NOS1AP: variants seen among roughly 807,000 people sequenced by gnomAD.
The protein encoded by NOS1AP is nitric oxide synthase 1 adaptor protein, also known as carboxyl-terminal PDZ ligand of neuronal nitric oxide synthase protein.
NOS1AP carries 21 observed loss-of-function variants against 56.2 expected under a neutral mutation model. The observed-to-expected ratio is 0.37, with a 90% CI of 0.26 to 0.54. The LOEUF is 0.54. Among genes scored for constraint, NOS1AP ranks in the 20% least tolerant of loss-of-function variants. NOS1AP has a pLI of 0.84. For missense variants in NOS1AP, 522 were observed against 657.8 expected (o/e 0.79, Z 2.26); for synonymous variants, 270 against 274.6 (o/e 0.98, Z 0.17).
At chr1:162,332,883 G>T (rs1362120690) in intron 4 of NOS1AP, 134 bp from the exon 5 acceptor site, 4 of 713,702 alleles carry the variant, frequency 5.6e-6, no homozygotes, top group Non-Finnish European at 1.0e-5. Flanking sequence ...TTTTGATCCT[G>T]AAGGAAGAAG....
At chr1:162,288,964 T>G (rs1192196451) in intron 3 of NOS1AP, among the ~76,000 whole-genome samples, 1 of 152,188 alleles carries the variant, frequency 6.6e-6, no homozygotes, top group East Asian at 1.9e-4. Flanking sequence ...TTGGAGTTCC[T>G]GAGCAGGACA....
At chr1:162,119,148 A>G (rs545987247) in intron 1 of NOS1AP, among the ~76,000 whole-genome samples, 31 of 152,160 alleles carry the variant, frequency 2.0e-4, no homozygotes, top group Non-Finnish European at 3.7e-4. Context: ...AGAAACTGAA[A>G]TAGTTTCCTG....
chr1:162,333,899 G>A lies in NOS1AP; in HGVS notation c.453+774G>A, dbSNP rs116740842. On this transcript the variant is annotated intron_variant, in intron 5 of 9. Coordinates refer to ENST00000361897, the MANE Select transcript of NOS1AP (RefSeq NM_014697.3). ...AATTTCCCAAACTAATTTCACAATG[G>A]AATCATATTTTTTCCATGTAATATG... Among the ~76,000 whole-genome samples the A allele has an allele frequency of 5.5e-3, 833 of 152,254 alleles. 4 individuals are homozygous for A. The highest frequency in any genetic ancestry group is 0.019 in the African/African-American group (796 of 41,540).
intron 2 of NOS1AP, among the ~76,000 whole-genome samples, chr1:162,270,257 C>T (rs867138167): frequency 5.8e-4 from 88 of 152,288 alleles, no homozygotes; most frequent in African/African-American, 1.9e-3. Flanking sequence ...ACATTCTCAA[C>T]TCAGCAGGCA....
intron 2 of NOS1AP, among the ~76,000 whole-genome samples, chr1:162,278,786 T>C (rs977832883): frequency 6.6e-6 from 1 of 152,090 alleles, no homozygotes; most frequent in Non-Finnish European, 1.5e-5. Flanking sequence ...TGCTGCATAA[T>C]GGATGTGTAT....
intron 2 of NOS1AP, among the ~76,000 whole-genome samples, chr1:162,157,660 G>A (rs1447147961): frequency 2.0e-5 from 3 of 152,202 alleles, no homozygotes; most frequent in Admixed American, 6.5e-5. Flanking sequence ...TGTGTGAGAT[G>A]TCAACCTCCC....
At chr1:162,146,302 G>A (rs1649463860) in intron 1 of NOS1AP, among the ~76,000 whole-genome samples, 2 of 151,752 alleles carry the variant, frequency 1.3e-5, no homozygotes, top group East Asian at 1.9e-4. Flanking sequence ...TCTGAGGTGG[G>A]GAGCAGTTAA....
intron 5 of NOS1AP, among the ~76,000 whole-genome samples, chr1:162,337,770 C>G (rs1225993219): frequency 6.6e-6 from 1 of 152,196 alleles, no homozygotes; most frequent in African/African-American, 2.4e-5. Context: ...ATCACACCTG[C>G]TTTGAAACTA....
At chr1:162,132,738 G>T (rs1371709217) in intron 1 of NOS1AP, among the ~76,000 whole-genome samples, 1 of 152,168 alleles carries the variant, frequency 6.6e-6, no homozygotes, top group Non-Finnish European at 1.5e-5. Flanking sequence ...CAACCCACAG[G>T]TCTCCATATT....
intron 4 of NOS1AP, among the ~76,000 whole-genome samples, chr1:162,327,587 A>AT (rs1193156757): frequency 2.0e-5 from 3 of 152,168 alleles, no homozygotes; most frequent in Admixed American, 2.0e-4. Flanking sequence ...GTCCTAAAAA[A>AT]CCAGTTACCC....
chr1:162,207,521 A>C (rs1652199093), intron 2 of NOS1AP, among the ~76,000 whole-genome samples: 1 of 152,168 alleles, frequency 6.6e-6, no homozygotes, highest in Non-Finnish European at 1.5e-5. Context: ...CTCATTTTAG[A>C]AGTGGTAATA....
At chr1:162,079,391 T>C (rs528846325) in intron 1 of NOS1AP, among the ~76,000 whole-genome samples, 5 of 152,204 alleles carry the variant, frequency 3.3e-5, no homozygotes, top group Non-Finnish European at 7.3e-5. Flanking sequence ...TGAATTGATG[T>C]CTTTTTTTTT....
intron 3 of NOS1AP, among the ~76,000 whole-genome samples, chr1:162,292,159 A>G (rs778565424): frequency 2.8e-4 from 42 of 152,204 alleles, no homozygotes; most frequent in Non-Finnish European, 4.9e-4. Flanking sequence ...TTAGATATGA[A>G]CCCTTCCCTG....
chr1:162,136,037 A>T (rs576849534), intron 1 of NOS1AP, among the ~76,000 whole-genome samples: 2 of 152,198 alleles, frequency 1.3e-5, no homozygotes, highest in Non-Finnish European at 1.5e-5. Context: ...TATGTTATAG[A>T]AGCAAGTGAA....
chr1:162,275,203 G>A (rs372320603), intron 2 of NOS1AP, among the ~76,000 whole-genome samples: 2 of 151,680 alleles, frequency 1.3e-5, no homozygotes, highest in South Asian at 2.1e-4. Context: ...TTTTTGATAC[G>A]GAGTCTCACT....
chr1:162,216,104 A>G (rs1652560453), intron 2 of NOS1AP, among the ~76,000 whole-genome samples: 1 of 151,638 alleles, frequency 6.6e-6, no homozygotes, highest in Admixed American at 6.6e-5. Flanking sequence ...CTCCTCCCCC[A>G]TCTCCTCCCT....
intron 2 of NOS1AP, among the ~76,000 whole-genome samples, chr1:162,182,887 T>A (rs6673884): frequency 0.52 from 79,212 of 152,024 alleles, 22,534 homozygotes; most frequent in East Asian, 0.76. Context: ...AAAGTCATCC[T>A]GGAGAACTGG....
intron 1 of NOS1AP, among the ~76,000 whole-genome samples, chr1:162,124,171 G>A (rs1361327049): frequency 2.0e-5 from 3 of 151,918 alleles, no homozygotes; most frequent in Non-Finnish European, 4.4e-5. Context: ...GTGGTTTGTG[G>A]TTACATGGAT....
At chr1:162,283,710 A>G (rs1655007443) in intron 2 of NOS1AP, among the ~76,000 whole-genome samples, 1 of 152,192 alleles carries the variant, frequency 6.6e-6, no homozygotes, top group South Asian at 2.1e-4. Flanking sequence ...GTGAAACCCC[A>G]GACACTTTCC....
Sources: gnomAD v4.1 joint callset for allele counts (sites outside exome capture counted in the v4.1 genomes callset) on GRCh38, gnomAD v4.1.1 for gene constraint, MANE v1.5 for transcripts, NCBI Gene and HGNC (gene_info 2026-07-23, HGNC 2026-07-21) for gene names.